Variants in PPP1R21 observed in about 807,000 individuals in gnomAD.
PPP1R21 encodes the protein protein phosphatase 1 regulatory subunit 21.
PPP1R21 carries 85 observed loss-of-function variants against 112.8 expected under a neutral mutation model. The ratio of observed to expected loss-of-function variants is 0.75; its 90% CI spans 0.63 to 0.90. The LOEUF (loss-of-function observed/expected upper bound fraction) is 0.90. PPP1R21 is among the 40% of genes least tolerant of loss of function. PPP1R21 has a pLI of 0.00. For synonymous variants in PPP1R21, 381 were observed against 322.3 expected, an observed-to-expected ratio of 1.18 and a Z score of -1.95; for missense variants, 1,199 against 901.5, an observed-to-expected ratio of 1.33 and a Z score of -4.23.
intron 17 of PPP1R21, among the ~76,000 whole-genome samples, chr2:48,503,521 T>TA (rs1291678456): frequency 6.6e-6 from 1 of 152,216 alleles, no homozygotes; most frequent in Non-Finnish European, 1.5e-5. Context: ...GAGTTGGAAT[T>TA]ACTACTTCAG....
chr2:48,491,232 G>T (rs752015444), intron 15 of PPP1R21, 62 bp downstream of exon 15: 15 of 1,544,692 alleles, frequency 9.7e-6, no homozygotes, highest in Non-Finnish European at 1.3e-5. Context: ...CTAGAGAATG[G>T]CAAGAGTTTT....
At chr2:48,492,432 G>A (rs1328688721) in intron 15 of PPP1R21, among the ~76,000 whole-genome samples, 2 of 151,748 alleles carry the variant, frequency 1.3e-5, no homozygotes, top group Non-Finnish European at 2.9e-5. Flanking sequence ...GACTGTCTAT[G>A]TCATTTCACG....
intron 4 of PPP1R21, among the ~76,000 whole-genome samples, chr2:48,459,151 T>C (rs1667865157): frequency 6.7e-6 from 1 of 150,032 alleles, no homozygotes; most frequent in African/African-American, 2.5e-5. Context: ...ACCTCCTTAC[T>C]TATTTTTTTT....
In PPP1R21 at chr2:48,495,672, A is replaced by T. The variant is rs1461247490; in HGVS notation, c.1600-7A>T. ...TTTCTTTAATTCTTATGATGCTTTTATCATAGCCCCTCTTGGAGTCTGTGC... is the reference window on the plus strand; with the variant it reads ...TTTCTTTAATTCTTATGATGCTTTTTTCATAGCCCCTCTTGGAGTCTGTGC... On this transcript the variant is annotated splice_polypyrimidine_tract_variant and splice_region_variant and intron_variant, in intron 15 of 21. Coordinates refer to ENST00000294952, the MANE Select transcript of PPP1R21 (RefSeq NM_001135629.3). 1.3e-6 allele frequency: 2 copies of T among 1,552,800 alleles called. No homozygotes were observed. The highest frequency in any genetic ancestry group is 2.2e-5 in the East Asian group (1 of 44,524).
At chr2:48,479,641 G>A (rs1418813081) in intron 12 of PPP1R21, 2 of 595,942 alleles carry the variant, frequency 3.4e-6, no homozygotes, top group Admixed American at 2.3e-5. Flanking sequence ...CATTCACAAA[G>A]ACTTTCGTTT....
At chr2:48,469,804 A>T (rs1350115629) in intron 9 of PPP1R21, among the ~76,000 whole-genome samples, 1 of 152,064 alleles carries the variant, frequency 6.6e-6, no homozygotes, top group Non-Finnish European at 1.5e-5. Flanking sequence ...TGATTTTTGT[A>T]ATAAGTCTGT....
intron 14 of PPP1R21, among the ~76,000 whole-genome samples, chr2:48,489,561 G>A (rs1458264297): frequency 6.6e-6 from 1 of 151,590 alleles, no homozygotes; most frequent in Non-Finnish European, 1.5e-5. Flanking sequence ...GGCTGGTCTT[G>A]AACTCTGGGC....
chr2:48,508,263 A>G (rs1231283902), intron 19 of PPP1R21, among the ~76,000 whole-genome samples: 3 of 152,188 alleles, frequency 2.0e-5, no homozygotes, highest in Non-Finnish European at 2.9e-5. Flanking sequence ...TTGAAACTTT[A>G]TATTAAAAAG....
intron 12 of PPP1R21, among the ~76,000 whole-genome samples, chr2:48,477,347 C>T (rs550287894): frequency 9.9e-5 from 15 of 152,020 alleles, no homozygotes; most frequent in Non-Finnish European, 2.2e-4. Context: ...TCTCGAACTC[C>T]TAGCCTCAGG....
chr2:48,475,043 T>G (rs4549145), intron 12 of PPP1R21, among the ~76,000 whole-genome samples: 25,874 of 152,148 alleles, frequency 0.17, 2,790 homozygotes, highest in East Asian at 0.47. Context: ...TTAAATGTTG[T>G]GATTATTGAG....
At chr2:48,467,962 T>G (rs888198423) in intron 9 of PPP1R21, among the ~76,000 whole-genome samples, 1 of 152,210 alleles carries the variant, frequency 6.6e-6, no homozygotes, top group South Asian at 2.1e-4. Context: ...ATTCCCTGCT[T>G]CTTCTGTGCA....
intron 12 of PPP1R21, among the ~76,000 whole-genome samples, chr2:48,475,426 C>A (rs941284468): frequency 2.0e-5 from 3 of 152,104 alleles, no homozygotes; most frequent in Admixed American, 6.6e-5. Context: ...AATTCCTTTC[C>A]CTTCCTTCCT....
rs1228938267 is a variant in PPP1R21, at chr2:48,486,646, A to G, written c.1334A>G (p.Tyr445Cys). The G allele has an allele frequency of 5.6e-6, 9 of 1,610,810 alleles. No homozygotes were observed. Among genetic ancestry groups the G allele is most frequent in the Admixed American group, 1.7e-5 (1 of 59,940 alleles). ...GCTTTTATAGATATTTCCAAACATTATAGTCAAAAAGCTGCAATAGAGCAT... is the reference window on the plus strand; with the variant it reads ...GCTTTTATAGATATTTCCAAACATTGTAGTCAAAAAGCTGCAATAGAGCAT... ...HDVMKDISKH[Y>C]SQKAAIEHEL... The change falls in exon 14 of 22, where the codon TAT becomes TGT. Residue 445 changes from tyrosine to cysteine, a missense_variant. Physicochemically the swap from Tyr to Cys is radical, Grantham distance 194. Coordinates refer to ENST00000294952, the MANE Select transcript of PPP1R21 (RefSeq NM_001135629.3).
intron 1 of PPP1R21, among the ~76,000 whole-genome samples, chr2:48,448,818 A>C (rs796730176): frequency 2.0e-5 from 3 of 152,352 alleles, no homozygotes; most frequent in East Asian, 3.9e-4. Context: ...GCTCTGTAAG[A>C]GGCCACACAG....
intron 13 of PPP1R21, among the ~76,000 whole-genome samples, chr2:48,485,841 A>G (rs1481810644): frequency 1.2e-4 from 18 of 148,948 alleles, no homozygotes; most frequent in African/African-American, 4.4e-4. Context: ...TTTGTGATTG[A>G]CATATATATA....
intron 15 of PPP1R21, among the ~76,000 whole-genome samples, chr2:48,493,801 G>A (rs552779064): frequency 8.6e-5 from 13 of 151,942 alleles, no homozygotes; most frequent in South Asian, 2.1e-4. Context: ...GCTTTTGTTC[G>A]TTTCTGGATA....
chr2:48,483,940 G>A (rs1016771006), intron 13 of PPP1R21, among the ~76,000 whole-genome samples: 3 of 151,318 alleles, frequency 2.0e-5, no homozygotes, highest in Admixed American at 1.3e-4. Context: ...CTTCTGCTTC[G>A]GTCTCCCAAA....
At chr2:48,466,028 C>G (rs1479446130) in intron 9 of PPP1R21, among the ~76,000 whole-genome samples, 1 of 152,064 alleles carries the variant, frequency 6.6e-6, no homozygotes, top group African/African-American at 2.4e-5. Context: ...TGGAGGGAAA[C>G]TCCCATTTTT....
At chr2:48,500,971 C>T (rs997769573) in intron 17 of PPP1R21, among the ~76,000 whole-genome samples, 5 of 152,084 alleles carry the variant, frequency 3.3e-5, no homozygotes, top group Non-Finnish European at 7.4e-5. Context: ...CATGAATGTT[C>T]ATGACCAATG....
Sources: gnomAD v4.1 joint callset for allele counts (sites outside exome capture counted in the v4.1 genomes callset) on GRCh38, gnomAD v4.1.1 for gene constraint, MANE v1.5 for transcripts, NCBI Gene and HGNC (gene_info 2026-07-23, HGNC 2026-07-21) for gene names.